Variants in EMCN observed in about 807,000 individuals in gnomAD.
EMCN encodes the protein MUC-14.
EMCN carries 37 observed loss-of-function variants against 38.4 expected under a neutral mutation model. The ratio of observed to expected loss-of-function variants is 0.96; its 90% CI spans 0.74 to 1.27. The LOEUF is 1.27. EMCN is among the 50% of genes most tolerant of loss of function. The pLI is 0.00. For synonymous variants in EMCN, 95 were observed against 100.8 expected, an observed-to-expected ratio of 0.94 and a Z score of 0.35; for missense variants, 318 against 302.8, an observed-to-expected ratio of 1.05 and a Z score of -0.37.
chr4:100,445,954 A>G lies in EMCN; in HGVS notation c.415+1579T>C, dbSNP rs188743618. On this transcript the variant is annotated intron_variant, in intron 5 of 11. Transcript: ENST00000296420. ...AGGAAAATTAGTTTACATAACTCGA[A>G]AAATAAAAATAGCCTAAATGAGCTT... 40 of 613,230 alleles carry G rather than the reference A, an allele frequency of 6.5e-5. No homozygotes were observed. In the African/African-American group the frequency reaches 8.0e-4, roughly 12 times the overall value. 38.0% of individuals were successfully genotyped at this position (613,230 alleles called of 1,614,324 possible).
chr4:100,485,580 TAAAG>T (rs1197863353), intron 1 of EMCN, among the ~76,000 whole-genome samples: 2 of 150,834 alleles, frequency 1.3e-5, no homozygotes, highest in Non-Finnish European at 3.0e-5. Context: ...TCTCACATAT[TAAAG>T]AGATATATAA....
intron 11 of EMCN, among the ~76,000 whole-genome samples, chr4:100,399,649 A>T (rs191081775): frequency 2.0e-5 from 3 of 152,158 alleles, no homozygotes; most frequent in Non-Finnish European, 2.9e-5. Flanking sequence ...GATTAGAAGG[A>T]TGATTGCAGA....
intron 5 of EMCN, among the ~76,000 whole-genome samples, chr4:100,432,416 A>AT (rs1727228511): frequency 6.6e-6 from 1 of 152,154 alleles, no homozygotes; most frequent in Non-Finnish European, 1.5e-5. Context: ...TAGAATTATT[A>AT]TAGTTATGTA....
intron 11 of EMCN, among the ~76,000 whole-genome samples, chr4:100,404,386 G>A (rs1182856745): frequency 6.6e-6 from 1 of 152,120 alleles, no homozygotes; most frequent in Non-Finnish European, 1.5e-5. Context: ...TTATTTCAGA[G>A]TTCTCTAACT....
chr4:100,513,690 A>C (rs1202161099), intron 1 of EMCN, among the ~76,000 whole-genome samples: 2 of 152,164 alleles, frequency 1.3e-5, no homozygotes, highest in Admixed American at 1.3e-4. Context: ...AAAATAATCG[A>C]CTTTTTTCTA....
chr4:100,413,794 A>G (rs1306741959), intron 10 of EMCN, among the ~76,000 whole-genome samples: 1 of 152,218 alleles, frequency 6.6e-6, no homozygotes, highest in Non-Finnish European at 1.5e-5. Flanking sequence ...AAAGTACCCA[A>G]GAATATATCT....
At chr4:100,479,887 T>C (rs1181670830) in intron 2 of EMCN, 30 bp downstream of exon 2, 1 of 1,578,458 alleles carries the variant, frequency 6.3e-7, no homozygotes, top group Admixed American at 1.9e-5. Context: ...TTGTTAAAGT[T>C]AAACTAAATT....
chr4:100,480,115 G>T, intron 1 of EMCN, 76 bp from the exon 2 acceptor site: 1 of 1,264,650 alleles, frequency 7.9e-7, no homozygotes, highest in Non-Finnish European at 1.1e-6. Flanking sequence ...TTAAACAAGT[G>T]TACTGGTCAG....
intron 1 of EMCN, chr4:100,487,041 A>G: frequency 1.0e-6 from 1 of 984,098 alleles, no homozygotes; most frequent in Non-Finnish European, 1.2e-6. Context: ...GAGGTAAAAA[A>G]GGCAAAGGTT....
chr4:100,478,559 A>G (rs1351440485), intron 2 of EMCN, among the ~76,000 whole-genome samples: 1 of 152,182 alleles, frequency 6.6e-6, no homozygotes, highest in Admixed American at 6.5e-5. Flanking sequence ...TGAAACAGAA[A>G]GAAGGCAGGA....
At chr4:100,450,184 G>A (rs75048619) in intron 4 of EMCN, among the ~76,000 whole-genome samples, 2 of 151,942 alleles carry the variant, frequency 1.3e-5, no homozygotes, top group African/African-American at 4.8e-5. Context: ...TTAGCAGTGT[G>A]CTTAGTTAAC....
intron 1 of EMCN, among the ~76,000 whole-genome samples, chr4:100,517,536 G>C (rs1729789874): frequency 1.3e-5 from 2 of 152,094 alleles, no homozygotes; most frequent in Admixed American, 6.6e-5. Context: ...TTTTGAGAGA[G>C]AGTACATTTT....
chr4:100,425,879 A>G (rs1420048395), intron 5 of EMCN, among the ~76,000 whole-genome samples: 1 of 152,092 alleles, frequency 6.6e-6, no homozygotes, highest in Non-Finnish European at 1.5e-5. Flanking sequence ...TGGTACTCTT[A>G]GATGACATAG....
At chr4:100,484,823 G>A (rs1728898212) in intron 1 of EMCN, among the ~76,000 whole-genome samples, 1 of 152,088 alleles carries the variant, frequency 6.6e-6, no homozygotes, top group East Asian at 1.9e-4. Context: ...AAAGTTATGA[G>A]TTTTAGGGTA....
chr4:100,483,888 A>AT (rs1265625294), intron 1 of EMCN, among the ~76,000 whole-genome samples: 1 of 152,080 alleles, frequency 6.6e-6, no homozygotes, highest in Admixed American at 6.6e-5. Flanking sequence ...GTGAGATACT[A>AT]TTTTTTTCCT....
At chr4:100,448,822 TCCTCCCTCCCTCCCTCCCTC>T (rs148189167) in intron 4 of EMCN, among the ~76,000 whole-genome samples, 29 of 129,480 alleles carry the variant, frequency 2.2e-4, no homozygotes, top group South Asian at 1.5e-3. Flanking sequence ...CTTCCTTCCT[TCCTCCCTCCCTCCCTCCCTC>T]CCTTCCTTGC....
At chr4:100,510,166 G>A (rs532381540) in intron 1 of EMCN, among the ~76,000 whole-genome samples, 1 of 152,236 alleles carries the variant, frequency 6.6e-6, no homozygotes, top group South Asian at 2.1e-4. Context: ...TACTTTATGA[G>A]AGTAGTAACA....
At chr4:100,475,658 C>CATTTTTTTTTTTTTTTTTTTTTTT (rs1728617733) in intron 2 of EMCN, among the ~76,000 whole-genome samples, 1 of 108,104 alleles carries the variant, frequency 9.3e-6, no homozygotes. Flanking sequence ...CAATTCTAGT[C>CATTTTTTTTTTTTTTTTTTTTTTT]CTTTTTTTTT....
Position 100,474,997 on chromosome 4 carries a change from A to C in EMCN, c.259+41T>G, listed in dbSNP as rs768850942. ...GGGTGACTATTATGTTATGTGAATT[A>C]TATATTTTTTAAAATTGTAGAAAAA... On this transcript the variant is annotated intron_variant, in intron 3 of 11. Coordinates refer to ENST00000296420, the MANE Select transcript of EMCN (RefSeq NM_016242.4). 31 of 1,102,542 alleles carry C rather than the reference A, an allele frequency of 2.8e-5. No individual in the cohort carries two copies. In the African/African-American group the frequency reaches 3.6e-4, roughly 13 times the overall value. 68.3% of individuals were successfully genotyped at this position (1,102,542 alleles called of 1,614,324 possible). A position where few individuals can be genotyped will look rare whatever the true frequency, so the allele number is the denominator to read the frequency against.
Sources: gnomAD v4.1 joint callset for allele counts (sites outside exome capture counted in the v4.1 genomes callset) on GRCh38, gnomAD v4.1.1 for gene constraint, MANE v1.5 for transcripts, NCBI Gene and HGNC (gene_info 2026-07-23, HGNC 2026-07-21) for gene names.